Variants in EPHA4 observed in about 807,000 individuals in gnomAD.
EPHA4 encodes ephrin type-A receptor 4.
EPHA4 carries 19 observed loss-of-function variants against 108.3 expected under a neutral mutation model. That is an observed-to-expected ratio of 0.18 (90% CI 0.12 to 0.26). The LOEUF (loss-of-function observed/expected upper bound fraction) is 0.26. Ranked by LOEUF, EPHA4 falls within the 10% of genes least tolerant of loss-of-function variation. EPHA4 has a pLI of 1.00. For missense variants in EPHA4, 917 were observed against 1,254.0 expected, an observed-to-expected ratio of 0.73 and a Z score of 4.06; for synonymous variants, 449 against 455.5, an observed-to-expected ratio of 0.99 and a Z score of 0.18.
chr2:221,508,807 A>G (rs1419274105), intron 3 of EPHA4, among the ~76,000 whole-genome samples: 2 of 152,146 alleles, frequency 1.3e-5, no homozygotes, highest in African/African-American at 4.8e-5. Context: ...AAATTACACC[A>G]TGAAATTCAA....
At chr2:221,499,295 C>T (rs1255438680) in intron 4 of EPHA4, among the ~76,000 whole-genome samples, 2 of 150,314 alleles carry the variant, frequency 1.3e-5, no homozygotes, top group African/African-American at 2.4e-5. Flanking sequence ...GGTTGTACAA[C>T]TCTGTCCAAG....
chr2:221,502,380 G>T, intron 3 of EPHA4: 1 of 374,282 alleles, frequency 2.7e-6, no homozygotes. Context: ...TTTCCAGCAT[G>T]ATTCACTCTC....
intron 8 of EPHA4, among the ~76,000 whole-genome samples, chr2:221,448,779 T>A (rs1300432081): frequency 6.6e-6 from 1 of 152,180 alleles, no homozygotes; most frequent in South Asian, 2.1e-4. Flanking sequence ...ATTTCTTTCC[T>A]TTGAAGAAGG....
intron 3 of EPHA4, among the ~76,000 whole-genome samples, chr2:221,534,198 TAGCATAA>T (rs1471449819): frequency 6.6e-6 from 1 of 152,196 alleles, no homozygotes. Flanking sequence ...GGCCTGCAAG[TAGCATAA>T]AGCATATCTT....
At chr2:221,453,147 G>T (rs2106114778) in intron 8 of EPHA4, among the ~76,000 whole-genome samples, 1 of 152,280 alleles carries the variant, frequency 6.6e-6, no homozygotes, top group Middle Eastern at 3.4e-3. Context: ...TCAAAGAGAT[G>T]GTCAAGACAC....
At chr2:221,485,676 G>A (rs1474284356) in intron 4 of EPHA4, among the ~76,000 whole-genome samples, 5 of 152,092 alleles carry the variant, frequency 3.3e-5, no homozygotes, top group Admixed American at 1.3e-4. Flanking sequence ...TTGTGGGATT[G>A]TGGTTTCTTT....
Position 221,564,024 on chromosome 2 carries a change from C to G in EPHA4, c.530G>C (p.Ser177Thr). Reference protein sequence around the residue: ...NTEIRDVGPLSKKGFYLAFQD... With the variant: ...NTEIRDVGPLTKKGFYLAFQD... ...AAAAGCCAGGTAAAACCCCTTTTTG[C>G]TTAATGGCCCTACATCCCGGATCTC... is the stretch of plus-strand genomic sequence containing the variant. Residue 177 changes from serine to threonine, a missense_variant, in exon 3 of 18, where the codon AGC (serine) becomes ACC (threonine). Ser to Thr is a moderately conservative substitution (Grantham distance 58). Coordinates refer to ENST00000281821, the MANE Select transcript of EPHA4 (RefSeq NM_004438.5). 6.2e-7 allele frequency: 1 copy of G among 1,613,894 alleles called. No homozygotes were observed. Among genetic ancestry groups the G allele is most frequent in the Non-Finnish European group, 8.5e-7 (1 of 1,179,974 alleles).
intron 5 of EPHA4, among the ~76,000 whole-genome samples, chr2:221,466,236 T>G (rs77496318): frequency 0.024 from 3,695 of 152,308 alleles, 140 homozygotes; most frequent in African/African-American, 0.084. Flanking sequence ...GAAAACACAT[T>G]GGGGTTCTCA....
At chr2:221,516,479 C>G (rs866563293) in intron 3 of EPHA4, among the ~76,000 whole-genome samples, 3 of 151,960 alleles carry the variant, frequency 2.0e-5, no homozygotes, top group South Asian at 2.1e-4. Context: ...CTCTGCCTCC[C>G]AAGTAGCTGG....
At chr2:221,507,789 A>G (rs976770213) in intron 3 of EPHA4, among the ~76,000 whole-genome samples, 5 of 152,216 alleles carry the variant, frequency 3.3e-5, no homozygotes, top group African/African-American at 1.2e-4. Context: ...TAGTCTGGAC[A>G]TTAGCTAACT....
intron 3 of EPHA4, among the ~76,000 whole-genome samples, chr2:221,553,099 C>A (rs1694207664): frequency 6.6e-6 from 1 of 152,080 alleles, no homozygotes; most frequent in South Asian, 2.1e-4. Flanking sequence ...TGTTTACTGC[C>A]TTTGTTATCA....
intron 2 of EPHA4, among the ~76,000 whole-genome samples, chr2:221,566,869 AAGAAGAAGGAGAAGGAGAAGG>A (rs1694656296): frequency 1.4e-5 from 1 of 70,454 alleles, no homozygotes; most frequent in African/African-American, 6.6e-5. Context: ...GAAGAAGAAG[AAGAAGAAGGAGAAGGAGAAGG>A]AGAAGGAGAA....
rs1674256360 is a variant in EPHA4 at position 221,461,349 on chromosome 2, C to T, written c.1319-3359G>A. Among the ~76,000 whole-genome samples the T allele has an allele frequency of 3.3e-5, 5 of 152,118 alleles. No homozygotes were observed. In the South Asian group the frequency reaches 1.0e-3, roughly 32 times the overall value. ...CAATATTCCAGGGCTCTGCCTTTTG[C>T]TTACAGAATTAGAAGAGGAGATAAT... On this transcript the variant is annotated intron_variant, in intron 5 of 17. Coordinates refer to ENST00000281821, the MANE Select transcript of EPHA4 (RefSeq NM_004438.5).
rs1180843498 is a variant in EPHA4, at chr2:221,430,129, C to T, written c.2519G>A (p.Gly840Asp). 6.2e-7 allele frequency: 1 copy of T among 1,608,736 alleles called. No homozygotes were observed. The highest frequency in any genetic ancestry group is 2.2e-5 in the East Asian group (1 of 44,632). ...NQDVIKAIEEGYRLPPPMDCP... is the reference protein window; with the variant it reads ...NQDVIKAIEEDYRLPPPMDCP... ...GTCCATTGGAGGGGGTAACCGATAG[C>T]CTTCCTCAATGGCTTTAATCACCTA... The change falls in exon 15 of 18, where the codon GGC becomes GAC. Residue 840 changes from glycine (G) to aspartate (D), a missense_variant. Physicochemically the swap from Gly to Asp is moderately conservative, Grantham distance 94. Transcript: ENST00000281821.
rs116998580 is a variant in EPHA4, at chr2:221,529,142, A to C, written c.824-27970T>G. 1.1e-4 allele frequency among the ~76,000 whole-genome samples: 17 copies of C among 152,318 alleles called. No homozygotes were observed. The East Asian group carries it at 3.3e-3, about 29-fold the overall frequency. ...TTTACTGCAATAGTCTATTCTTTCTAAATTTTCTATAATTTACATACATGA... is the reference window on the plus strand; with the variant it reads ...TTTACTGCAATAGTCTATTCTTTCTCAATTTTCTATAATTTACATACATGA... On this transcript the variant is annotated intron_variant, in intron 3 of 17. Coordinates refer to ENST00000281821, the MANE Select transcript of EPHA4 (RefSeq NM_004438.5).
chr2:221,562,310 A>G (rs1368063825), intron 3 of EPHA4, among the ~76,000 whole-genome samples: 1 of 151,904 alleles, frequency 6.6e-6, no homozygotes, highest in African/African-American at 2.4e-5. Flanking sequence ...AGTTACTCCT[A>G]GAAATAACTA....
At chr2:221,509,776 A>G (rs1482573845) in intron 3 of EPHA4, among the ~76,000 whole-genome samples, 2 of 152,176 alleles carry the variant, frequency 1.3e-5, no homozygotes, top group Non-Finnish European at 2.9e-5. Context: ...AAACAAATCA[A>G]AGGTGATTTT....
upstream of EPHA4, chr2:221,573,714 G>C (rs1449448351): frequency 6.6e-6 from 1 of 152,262 alleles, no homozygotes; most frequent in Non-Finnish European, 1.5e-5. The surrounding 1 kb of genome is among the most constrained non-coding windows in gnomAD (Gnocchi z 4.5). Flanking sequence ...CCAGATGCGG[G>C]AGTGTGCGGC....
intron 5 of EPHA4, among the ~76,000 whole-genome samples, chr2:221,469,657 G>A (rs1263374458): frequency 6.6e-6 from 1 of 152,124 alleles, no homozygotes; most frequent in Non-Finnish European, 1.5e-5. Flanking sequence ...AGAGTTGGGA[G>A]TCAATAAACG....
Sources: allele counts gnomAD v4.1 joint callset (sites outside exome capture counted in the v4.1 genomes callset), GRCh38; gene constraint gnomAD v4.1.1; non-coding constraint Gnocchi (gnomAD v3.1); transcripts MANE v1.5; gene names NCBI Gene and HGNC (gene_info 2026-07-23, HGNC 2026-07-21).